Variants in ST3GAL2 observed in about 807,000 individuals in gnomAD.
The protein encoded by ST3GAL2 is ST3 beta-galactoside alpha-2,3-sialyltransferase 2.
In ST3GAL2, 16 loss-of-function variants were observed where a neutral mutation model predicts 37.5. That is an observed-to-expected ratio of 0.43 (90% confidence interval 0.29 to 0.65). The LOEUF (loss-of-function observed/expected upper bound fraction) is 0.65, where lower values mean the gene tolerates loss of function less well. Ranked by LOEUF, ST3GAL2 falls within the 30% of genes least tolerant of loss-of-function variation. ST3GAL2 has a pLI of 0.17. For missense variants in ST3GAL2, 383 were observed against 487.8 expected (o/e 0.79, Z 2.02); for synonymous variants, 238 against 202.9 (o/e 1.17, Z -1.47).
intron 1 of ST3GAL2, among the ~76,000 whole-genome samples, chr16:70,415,732 G>A (rs915962893): frequency 2.2e-4 from 32 of 147,470 alleles, no homozygotes; most frequent in Middle Eastern, 3.9e-3. Flanking sequence ...GATTACAGGC[G>A]TTGATCCACC....
At chr16:70,401,320 G>A (rs754037278) in intron 1 of ST3GAL2, among the ~76,000 whole-genome samples, 3 of 152,176 alleles carry the variant, frequency 2.0e-5, no homozygotes, top group Non-Finnish European at 2.9e-5. Context: ...CAGGGGGCAC[G>A]CGAAGGAACT....
rs779676975 is a variant in ST3GAL2, at chr16:70,377,479, G to GA, written c.*4209dup. On this transcript the variant is annotated 3_prime_UTR_variant, in exon 7 of 7. Transcript: ENST00000342907. Reference sequence around the variant, plus strand: ...TGGGCAATGGAGAGAGACTCCATCTGAAAAAAAAAAAAAAAAAAGAGAAAA... The same window carrying GA: ...TGGGCAATGGAGAGAGACTCCATCTGAAAAAAAAAAAAAAAAAAAGAGAAAA... The GA allele has an allele frequency of 0.11, 9,161 of 86,500 alleles. 891 individuals are homozygous for GA. Among genetic ancestry groups the GA allele is most frequent in the African/African-American group, 0.24 (7,050 of 29,396 alleles). The allele number at this position is 86,500 out of a possible 1,614,324, so 5.4% of individuals were successfully genotyped here. A position where few individuals can be genotyped will look rare whatever the true frequency, so the allele number is the denominator to read the frequency against.
rs1312563185 is a variant in ST3GAL2, at chr16:70,377,166, G to A, written c.*4523C>T. On this transcript the variant is annotated 3_prime_UTR_variant, in exon 7 of 7. Coordinates refer to ENST00000342907, the MANE Select transcript of ST3GAL2 (RefSeq NM_006927.4). ...CTCTGCACCAGTCTGGGCGACAGGAGACCCTGTCTCTTAAAAAAAAAAAAA... is the reference window on the plus strand; with the variant it reads ...CTCTGCACCAGTCTGGGCGACAGGAAACCCTGTCTCTTAAAAAAAAAAAAA... 7.6e-6 allele frequency: 1 copy of A among 130,928 alleles called. No homozygotes were observed. Among genetic ancestry groups the A allele is most frequent in the Non-Finnish European group, 1.5e-5 (1 of 65,056 alleles). 8.1% of individuals were successfully genotyped at this position (130,928 alleles called of 1,614,324 possible).
intron 1 of ST3GAL2, among the ~76,000 whole-genome samples, chr16:70,437,480 G>A (rs1292987998): frequency 2.0e-5 from 3 of 150,750 alleles, no homozygotes; most frequent in Admixed American, 1.3e-4. Context: ...GGGTAGAATG[G>A]ATGACTATCC....
chr16:70,437,988 C>A (rs1449783778), intron 1 of ST3GAL2, among the ~76,000 whole-genome samples: 1 of 152,184 alleles, frequency 6.6e-6, no homozygotes, highest in Non-Finnish European at 1.5e-5. Flanking sequence ...CCTCTCTAGC[C>A]CCTTTCTCCA....
chr16:70,399,627 G>A (rs2047541808), intron 1 of ST3GAL2, 94 bp from the exon 2 acceptor site: 1 of 394,950 alleles, frequency 2.5e-6, no homozygotes, highest in East Asian at 3.6e-5. Context: ...GCTAGCAGGA[G>A]AGGAGATGCC....
At chr16:70,401,696 T>C (rs548996172) in intron 1 of ST3GAL2, among the ~76,000 whole-genome samples, 1 of 152,196 alleles carries the variant, frequency 6.6e-6, no homozygotes, top group South Asian at 2.1e-4. Flanking sequence ...CACCTCAATA[T>C]AAAGAGCTCG....
chr16:70,415,593 C>A (rs78088489), intron 1 of ST3GAL2, among the ~76,000 whole-genome samples: 12,200 of 139,508 alleles, frequency 0.087, 1,618 homozygotes, highest in African/African-American at 0.3. Flanking sequence ...CTGGGACTAC[C>A]GGAGTGTGCC....
chr16:70,393,900 G>C (rs755849793), intron 3 of ST3GAL2: 4 of 152,176 alleles, frequency 2.6e-5, no homozygotes, highest in Non-Finnish European at 4.4e-5. Context: ...TGGGAAACCT[G>C]GTCTTAACTG....
chr16:70,424,067 A>T (rs543681660), intron 1 of ST3GAL2, among the ~76,000 whole-genome samples: 26 of 151,874 alleles, frequency 1.7e-4, no homozygotes, highest in Admixed American at 1.6e-3. Flanking sequence ...CAAAAAAACA[A>T]AACAAAACAA....
Position 70,392,938 on chromosome 16 carries a change from A to G in ST3GAL2, c.533+2044T>C, listed in dbSNP as rs190148010. Among the ~76,000 whole-genome samples, 150 of 152,020 alleles carry G rather than the reference A, an allele frequency of 9.9e-4. 1 individual carries two copies. The highest frequency in any genetic ancestry group is 2.8e-3 in the African/African-American group (118 of 41,462). On this transcript the variant is annotated intron_variant, in intron 3 of 6. Transcript: ENST00000342907. ...TAGCTAGGACTACAGGCTCACACCA[A>G]CAAGCCCAGCTTATCCACTGCCATC...
intron 1 of ST3GAL2, among the ~76,000 whole-genome samples, chr16:70,415,644 G>T (rs1381102795): frequency 6.6e-6 from 1 of 151,292 alleles, no homozygotes; most frequent in East Asian, 1.9e-4. Flanking sequence ...TAGAGATGGG[G>T]TTTCACCATG....
At position 70,399,439 on chromosome 16, in the gene ST3GAL2, C is replaced by T; in HGVS notation, c.-909G>A. ...CTGGCCCAGGTTCTGCCCATCCCCA[C>T]TCCCCCGGGGCCAGCCTATCCTGCT... is the stretch of plus-strand genomic sequence containing the variant. On this transcript the variant is annotated 5_prime_UTR_variant, in exon 2 of 7. It adds an upstream start codon to the 5' untranslated region. Coordinates refer to ENST00000342907, the MANE Select transcript of ST3GAL2 (RefSeq NM_006927.4). The T allele has an allele frequency of 2.5e-6, 1 of 398,804 alleles. No homozygotes were observed. Among genetic ancestry groups the T allele is most frequent in the South Asian group, 1.3e-4 (1 of 7,862 alleles). The allele number at this position is 398,804 out of a possible 1,614,324, so 24.7% of individuals were successfully genotyped here.
chr16:70,398,229 T>G lies in ST3GAL2; in HGVS notation c.302A>C (p.Asn101Thr). The change falls in exon 2 of 7, where the codon AAC (asparagine) becomes ACC (threonine). Residue 101 changes from asparagine to threonine, a missense_variant. This residue lies in a region of ST3GAL2 where 223 missense variants were observed against 239.1 expected (regional missense o/e 0.93). Coordinates refer to ENST00000342907, the MANE Select transcript of ST3GAL2 (RefSeq NM_006927.4). ...CTGGACGTCCGGTGGAAGATCCATG[T>G]TCTCTCGGGTCCAGACGGGGGAAAT... Reference protein sequence around the residue: ...GNISPVWTRENMDLPPDVQRW... With the variant: ...GNISPVWTRETMDLPPDVQRW... 6.2e-7 allele frequency: 1 copy of G among 1,613,422 alleles called. No homozygotes were observed. The highest frequency in any genetic ancestry group is 8.5e-7 in the Non-Finnish European group (1 of 1,180,016).
At chr16:70,415,476 T>A (rs2047670060) in intron 1 of ST3GAL2, among the ~76,000 whole-genome samples, 1 of 152,210 alleles carries the variant, frequency 6.6e-6, no homozygotes, top group Non-Finnish European at 1.5e-5. Context: ...TGCAAGCCAG[T>A]CAGGAGAAGA....
chr16:70,381,688 C>T lies in ST3GAL2; in HGVS notation c.*1G>A. On this transcript the variant is annotated 3_prime_UTR_variant, in exon 7 of 7. Transcript: ENST00000342907. ...CCGGAAGGGTCGCGGCGAGGCCCGG[C>T]TCAGTTGCCCCGGTAGACTTCGATC... is the stretch of plus-strand genomic sequence containing the variant. 6.2e-7 allele frequency: 1 copy of T among 1,612,996 alleles called. No homozygotes were observed. Among genetic ancestry groups the T allele is most frequent in the Non-Finnish European group, 8.5e-7 (1 of 1,179,478 alleles).
chr16:70,430,738 C>A (rs1348103477), intron 1 of ST3GAL2, among the ~76,000 whole-genome samples: 1 of 152,142 alleles, frequency 6.6e-6, no homozygotes, highest in African/African-American at 2.4e-5. Context: ...GTCTGGCAAC[C>A]CGAACCCAGG....
chr16:70,380,907 G>C lies in ST3GAL2; in HGVS notation c.*782C>G, dbSNP rs2047396717. On this transcript the variant is annotated 3_prime_UTR_variant, in exon 7 of 7. Coordinates refer to ENST00000342907, the MANE Select transcript of ST3GAL2 (RefSeq NM_006927.4). The stretch of plus-strand genomic sequence containing the variant: ...AGAGCAACAGGTAGGCTGGTGAGGA[G>C]GCCTCCGGCCCAGGGAGAGGCGCTG... 2.6e-5 allele frequency: 4 copies of C among 154,124 alleles called. No homozygotes were observed. The Admixed American group carries it at 2.6e-4, about 10-fold the overall frequency. The allele number at this position is 154,124 out of a possible 1,614,324, so 9.5% of individuals were successfully genotyped here.
chr16:70,402,283 CAAAA>C (rs1042560583), intron 1 of ST3GAL2, among the ~76,000 whole-genome samples: 469 of 40,668 alleles, frequency 0.012, 2 homozygotes, highest in Middle Eastern at 0.039. Flanking sequence ...AACTATTTCT[CAAAA>C]AAAAAAAAAA....
Sources: gnomAD v4.1 joint callset for allele counts (sites outside exome capture counted in the v4.1 genomes callset) on GRCh38, gnomAD v4.1.1 for gene constraint, gnomAD v4.1.1 regional missense constraint, MANE v1.5 for transcripts, NCBI Gene and HGNC (gene_info 2026-07-23, HGNC 2026-07-21) for gene names.